HOOK3: variants seen among roughly 807,000 people sequenced by gnomAD.
The protein encoded by HOOK3 is hook microtubule tethering protein 3.
Under a neutral mutation model 116.3 loss-of-function variants are expected in HOOK3, and 24 were observed. That is an observed-to-expected ratio of 0.21 (90% CI 0.15 to 0.29). The LOEUF (loss-of-function observed/expected upper bound fraction) is 0.29, where lower values mean the gene tolerates loss of function less well. HOOK3 is among the 10% of genes least tolerant of loss of function. The pLI is 1.00. For synonymous variants in HOOK3, 275 were observed against 283.0 expected, an observed-to-expected ratio of 0.97 and a Z score of 0.28; for missense variants, 632 against 830.2, an observed-to-expected ratio of 0.76 and a Z score of 2.93.
intron 6 of HOOK3, among the ~76,000 whole-genome samples, chr8:42,951,365 T>C (rs779858847): frequency 2.8e-4 from 43 of 152,120 alleles, no homozygotes; most frequent in South Asian, 1.0e-3. Flanking sequence ...CCCGGCCAAA[T>C]AATATCTATC....
chr8:43,025,958 G>A lies in HOOK3; in HGVS notation c.*7460G>A, dbSNP rs1388289711. The stretch of plus-strand genomic sequence containing the variant: ...ACGGCCTCAAAGTTTGGGCCCATGG[G>A]ACTATCAAATCCGAATTATATCTAC... On this transcript the variant is annotated 3_prime_UTR_variant, in exon 22 of 22. Transcript: ENST00000307602. The A allele has an allele frequency of 1.9e-5, 4 of 208,834 alleles. No homozygotes were observed. Among genetic ancestry groups the A allele is most frequent in the Non-Finnish European group, 3.9e-5 (4 of 102,658 alleles). 12.9% of individuals were successfully genotyped at this position (208,834 alleles called of 1,614,324 possible).
At position 43,005,197 on chromosome 8, in the gene HOOK3, C is replaced by A. The variant is rs576429747; in HGVS notation, c.1656-2650C>A. On this transcript the variant is annotated intron_variant, in intron 17 of 21. Coordinates refer to ENST00000307602, the MANE Select transcript of HOOK3 (RefSeq NM_032410.4). ...AATTAAGTGCTCTCTCTCTCTCTCT[C>A]TCTATATATATATATAATTTTTTTT... Among the ~76,000 whole-genome samples, 478 of 56,864 alleles carry A rather than the reference C, an allele frequency of 8.4e-3. 2 individuals carry two copies. Among genetic ancestry groups the A allele is most frequent in the South Asian group, 0.024 (29 of 1,192 alleles). The allele number at this position is 56,864 out of a possible 152,430, so 37.3% of individuals were successfully genotyped here. A position where few individuals can be genotyped will look rare whatever the true frequency, so the allele number is the denominator to read the frequency against.
At chr8:42,976,931 C>T (rs1006343185) in intron 13 of HOOK3, among the ~76,000 whole-genome samples, 1 of 152,260 alleles carries the variant, frequency 6.6e-6, no homozygotes, top group Non-Finnish European at 1.5e-5. Flanking sequence ...GTTAGAATCA[C>T]CTGGGATGCA....
chr8:42,971,224 A>T (rs1352833891), intron 11 of HOOK3, among the ~76,000 whole-genome samples: 2 of 152,092 alleles, frequency 1.3e-5, no homozygotes, highest in African/African-American at 4.8e-5. Context: ...TTTTGCCAGT[A>T]TATTACAAAG....
chr8:42,948,990 C>T (rs556438696), intron 5 of HOOK3, among the ~76,000 whole-genome samples: 167 of 152,306 alleles, frequency 1.1e-3, no homozygotes, highest in Non-Finnish European at 2.0e-3. Context: ...TTAGCATTAA[C>T]CAGAAGTCAT....
intron 11 of HOOK3, among the ~76,000 whole-genome samples, chr8:42,970,366 T>C (rs572996588): frequency 2.6e-5 from 4 of 152,348 alleles, no homozygotes; most frequent in African/African-American, 9.6e-5. Context: ...GTGCAGACTC[T>C]CATACTTTGT....
rs1809968539 is a variant in HOOK3, at chr8:43,028,226, T to C, written c.*9728T>C. 1.6e-5 allele frequency: 3 copies of C among 183,966 alleles called. No individual in the cohort carries two copies. 11.4% of individuals were successfully genotyped at this position (183,966 alleles called of 1,614,324 possible). A position where few individuals can be genotyped will look rare whatever the true frequency, so the allele number is the denominator to read the frequency against. ...GATATTAGCTGGGCATGGTAGCTCA[T>C]GCCTGTAGTCCCAGCTACTCCAGAG... On this transcript the variant is annotated 3_prime_UTR_variant, in exon 22 of 22. Transcript: ENST00000307602.
At chr8:42,944,143 G>A (rs576824961) in intron 5 of HOOK3, among the ~76,000 whole-genome samples, 14 of 152,134 alleles carry the variant, frequency 9.2e-5, no homozygotes, top group African/African-American at 2.6e-4. Context: ...GGCTGGGTAC[G>A]GTGGCTCATG....
chr8:42,951,640 A>G (rs1808346649), intron 6 of HOOK3, among the ~76,000 whole-genome samples: 1 of 152,108 alleles, frequency 6.6e-6, no homozygotes, highest in African/African-American at 2.4e-5. Flanking sequence ...TGCACCTAAC[A>G]TAGAAAAATA....
At chr8:42,919,546 C>T (rs1335259073) in intron 2 of HOOK3, among the ~76,000 whole-genome samples, 1 of 152,210 alleles carries the variant, frequency 6.6e-6, no homozygotes, top group South Asian at 2.1e-4. Context: ...GGGGTGGCGG[C>T]CGGGCAGAGG....
At chr8:42,963,419 G>T (rs1437762541) in intron 8 of HOOK3, among the ~76,000 whole-genome samples, 1 of 152,086 alleles carries the variant, frequency 6.6e-6, no homozygotes. Flanking sequence ...TTGCTTGTTG[G>T]CAAACGTTTG....
chr8:42,948,340 G>A (rs771640278), intron 5 of HOOK3, among the ~76,000 whole-genome samples: 8 of 152,004 alleles, frequency 5.3e-5, no homozygotes, highest in African/African-American at 1.7e-4. Context: ...ACACACACCC[G>A]GTAATAGCAT....
intron 9 of HOOK3, among the ~76,000 whole-genome samples, chr8:42,964,815 C>T (rs1006070383): frequency 4.3e-4 from 64 of 149,440 alleles, no homozygotes; most frequent in Admixed American, 3.6e-3. Flanking sequence ...CAACAGAACG[C>T]GACTTTGTCT....
chr8:42,992,710 CA>C lies in HOOK3; in HGVS notation c.1533-4819del, dbSNP rs35064772. Among the ~76,000 whole-genome samples the C allele has an allele frequency of 4.2e-3, 235 of 56,604 alleles. 1 individual carries two copies. The East Asian group carries it at 0.065, about 16-fold the overall frequency. The allele number at this position is 56,604 out of a possible 152,430, so 37.1% of individuals were successfully genotyped here. ...CAGCCTGGTGACAGAGACTCCATCT[CA>C]AAAAAAAAAAAAAAAAAAAAGAAAT... On this transcript the variant is annotated intron_variant, in intron 15 of 21. Transcript: ENST00000307602.
chr8:42,989,114 T>G (rs1161878388), intron 15 of HOOK3, among the ~76,000 whole-genome samples: 2 of 152,122 alleles, frequency 1.3e-5, no homozygotes, highest in Non-Finnish European at 2.9e-5. Flanking sequence ...CTGCCAATCC[T>G]CAAACAATAT....
intron 5 of HOOK3, among the ~76,000 whole-genome samples, chr8:42,947,337 A>G (rs1808248649): frequency 6.6e-6 from 1 of 152,184 alleles, no homozygotes; most frequent in African/African-American, 2.4e-5. Flanking sequence ...AAATTCATTG[A>G]CTTCTGGAAT....
chr8:42,930,295 G>A lies in HOOK3; in HGVS notation c.267+123G>A, dbSNP rs1035330821. ...TAATCAGTTTGTCGTTCATTTTATA[G>A]TTTCTATAATAGGATGATGGTTCAA... On this transcript the variant is annotated intron_variant, in intron 4 of 21. Coordinates refer to ENST00000307602, the MANE Select transcript of HOOK3 (RefSeq NM_032410.4). 8.1e-6 allele frequency: 7 copies of A among 860,146 alleles called. No individual in the cohort carries two copies. In the Admixed American group the frequency reaches 1.3e-4, roughly 16 times the overall value. The allele number at this position is 860,146 out of a possible 1,614,324, so 53.3% of individuals were successfully genotyped here. A position where few individuals can be genotyped will look rare whatever the true frequency, so the allele number is the denominator to read the frequency against.
intron 17 of HOOK3, among the ~76,000 whole-genome samples, chr8:43,002,427 T>C (rs1265102515): frequency 2.6e-5 from 4 of 152,194 alleles, no homozygotes; most frequent in Non-Finnish European, 5.9e-5. Flanking sequence ...AGACACCTCT[T>C]TCTATAAGGG....
intron 4 of HOOK3, among the ~76,000 whole-genome samples, chr8:42,936,535 G>A (rs1349914010): frequency 1.3e-5 from 2 of 152,108 alleles, no homozygotes; most frequent in East Asian, 1.9e-4. Flanking sequence ...TTTGTCATAA[G>A]TAGCTGTTAC....
Sources: gnomAD v4.1 joint callset for allele counts (sites outside exome capture counted in the v4.1 genomes callset) on GRCh38, gnomAD v4.1.1 for gene constraint, MANE v1.5 for transcripts, NCBI Gene and HGNC (gene_info 2026-07-23, HGNC 2026-07-21) for gene names.